Variants in TDP1 observed in about 807,000 individuals in gnomAD.
The protein encoded by TDP1 is tyrosyl-DNA phosphodiesterase 1.
Under a neutral mutation model 81.5 loss-of-function variants are expected in TDP1, and 64 were observed. The ratio of observed to expected loss-of-function variants is 0.79; its 90% CI spans 0.64 to 0.97. The LOEUF (loss-of-function observed/expected upper bound fraction) is 0.97. Ranked by LOEUF, TDP1 falls within the 50% of genes least tolerant of loss-of-function variation. The pLI, the probability that TDP1 is intolerant of heterozygous loss-of-function variation, is 0.00. For missense variants in TDP1, 723 were observed against 743.8 expected (o/e 0.97, Z 0.33); for synonymous variants, 256 against 264.3 (o/e 0.97, Z 0.30).
chr14:90,041,550 C>T (rs2140356901), intron 16 of TDP1, among the ~76,000 whole-genome samples: 1 of 152,314 alleles, frequency 6.6e-6, no homozygotes, highest in East Asian at 1.9e-4. Context: ...GTTTGTCAGA[C>T]CTTCCTGTGA....
At chr14:90,016,956 A>G (rs964550824) in intron 14 of TDP1, among the ~76,000 whole-genome samples, 3 of 152,164 alleles carry the variant, frequency 2.0e-5, no homozygotes, top group African/African-American at 7.2e-5. Context: ...ATCCAGCAGC[A>G]ACAACACAAA....
chr14:89,975,643 T>C, intron 6 of TDP1, 138 bp from the exon 7 acceptor site: 1 of 988,118 alleles, frequency 1.0e-6, no homozygotes, highest in Non-Finnish European at 1.6e-6. Flanking sequence ...TGTCTTGTTA[T>C]TCAAGGGCTT....
At chr14:89,962,801 G>A (rs1596496695) in intron 2 of TDP1, 1 of 414,734 alleles carries the variant, frequency 2.4e-6, no homozygotes, top group Non-Finnish European at 3.2e-6. Context: ...GAGCCCAGGA[G>A]GCAGATGTTG....
intron 14 of TDP1, among the ~76,000 whole-genome samples, chr14:90,013,253 G>A (rs1466649677): frequency 6.6e-6 from 1 of 152,198 alleles, no homozygotes; most frequent in East Asian, 1.9e-4. Context: ...TGAGATTTGG[G>A]AGGGGTAAGG....
Position 90,043,371 on chromosome 14 carries a change from T to C in TDP1, c.*228T>C. The C allele has an allele frequency of 1.7e-6, 1 of 600,980 alleles. No individual in the cohort carries two copies. Among genetic ancestry groups the C allele is most frequent in the South Asian group, 2.0e-5 (1 of 49,086 alleles). The allele number at this position is 600,980 out of a possible 1,614,324, so 37.2% of individuals were successfully genotyped here. ...CTTTTATATGTTTTGGAAAGAAAAT[T>C]AGTGAACTTCTCTATGTTAAAAATA... On this transcript the variant is annotated 3_prime_UTR_variant, in exon 17 of 17. Transcript: ENST00000335725.
At position 90,043,200 on chromosome 14, in the gene TDP1, CTCT is replaced by C; in HGVS notation, c.*62_*64del. 6.2e-7 allele frequency: 1 copy of C among 1,609,878 alleles called. No individual in the cohort carries two copies. Among genetic ancestry groups the C allele is most frequent in the Non-Finnish European group, 8.5e-7 (1 of 1,176,648 alleles). Reference sequence around the variant, plus strand: ...AGACATTGAGCCACAAACATGGAATCTCTTCTTTGTACTGGATGTCCACTTCCC... The same window carrying C: ...AGACATTGAGCCACAAACATGGAATCTCTTTGTACTGGATGTCCACTTCCC... On this transcript the variant is annotated 3_prime_UTR_variant, in exon 17 of 17. Transcript: ENST00000335725.
At chr14:89,964,513 T>C (rs1892705799) in intron 3 of TDP1, among the ~76,000 whole-genome samples, 1 of 152,240 alleles carries the variant, frequency 6.6e-6, no homozygotes, top group Non-Finnish European at 1.5e-5. Context: ...ATTACCCTTA[T>C]TTCAGATTTT....
chr14:89,964,344 C>T (rs574830246), intron 3 of TDP1, among the ~76,000 whole-genome samples: 27 of 152,368 alleles, frequency 1.8e-4, no homozygotes, highest in Admixed American at 5.2e-4. Flanking sequence ...AATCTGCTTT[C>T]TGGCCTCACC....
chr14:89,959,547 A>G (rs1465693267), intron 2 of TDP1, among the ~76,000 whole-genome samples: 3 of 152,238 alleles, frequency 2.0e-5, no homozygotes, highest in Non-Finnish European at 2.9e-5. Context: ...TTGTAACCCA[A>G]TAAATTGTAT....
At chr14:90,010,761 G>A (rs574008040) in intron 14 of TDP1, among the ~76,000 whole-genome samples, 2 of 152,316 alleles carry the variant, frequency 1.3e-5, no homozygotes, top group Admixed American at 6.5e-5. Context: ...ACTTTACTTT[G>A]TGTAAGATAA....
intron 16 of TDP1, among the ~76,000 whole-genome samples, chr14:90,039,865 A>AC (rs1184410166): frequency 2.0e-5 from 3 of 152,302 alleles, no homozygotes; most frequent in African/African-American, 7.2e-5. Context: ...TGATGCAAGT[A>AC]CGATAGTACA....
In TDP1 at chr14:89,989,743, G is replaced by A. The variant is rs1437656526; in HGVS notation, c.1344G>A (p.Arg448=). 1.2e-6 allele frequency: 2 copies of A among 1,611,464 alleles called. No individual in the cohort carries two copies. Among genetic ancestry groups the A allele is most frequent in the Non-Finnish European group, 1.7e-6 (2 of 1,177,752 alleles). Residue 448 remains arginine (R), a synonymous_variant, in exon 12 of 17, where the codon CGG becomes CGA. Coordinates refer to ENST00000335725, the MANE Select transcript of TDP1 (RefSeq NM_018319.4). ...YLIYPSVENV[R]TSLEGYPAGG... ...TCTATCCTTCTGTGGAAAATGTGCGGACCAGTTTAGAAGGATATCCTGGTA... is the reference window on the plus strand; with the variant it reads ...TCTATCCTTCTGTGGAAAATGTGCGAACCAGTTTAGAAGGATATCCTGGTA...
rs917622303 is a variant in TDP1 at position 89,956,575 on chromosome 14, CAG to C, written c.-230_-229del. 1.3e-5 allele frequency: 2 copies of C among 152,406 alleles called. No homozygotes were observed. The highest frequency in any genetic ancestry group is 4.8e-5 in the African/African-American group (2 of 41,560). 9.4% of individuals were successfully genotyped at this position (152,406 alleles called of 1,614,324 possible). On this transcript the variant is annotated splice_acceptor_variant, in intron 1 of 16. Transcript: ENST00000335725. LOFTEE classifies it low-confidence loss of function (5UTR_SPLICE). The stretch of plus-strand genomic sequence containing the variant: ...TCCTTTGTCTTCAACCCATTCTCCG[CAG>C]AGTTGGAGCACACAGCTGTATTAAA...
rs189125804 is a variant in TDP1, at chr14:90,029,877, G to A, written c.1645-3229G>A. Among the ~76,000 whole-genome samples the A allele has an allele frequency of 3.0e-3, 457 of 152,244 alleles. 4 individuals are homozygous for A. Among genetic ancestry groups the A allele is most frequent in the Non-Finnish European group, 4.5e-3 (304 of 68,010 alleles). ...GTTTCCTTCTCTGTAAAATAGGAGT[G>A]ATTACATCACAGAGAATTGTCCTGA... On this transcript the variant is annotated intron_variant, in intron 15 of 16. Transcript: ENST00000335725.
chr14:90,020,090 G>A (rs927424506), intron 15 of TDP1, among the ~76,000 whole-genome samples: 2 of 152,190 alleles, frequency 1.3e-5, no homozygotes, highest in African/African-American at 2.4e-5. Flanking sequence ...AGCCACTTGA[G>A]ATTTCTGTGT....
intron 8 of TDP1, among the ~76,000 whole-genome samples, chr14:89,982,710 G>A (rs550290740): frequency 2.0e-5 from 3 of 152,202 alleles, no homozygotes; most frequent in Non-Finnish European, 4.4e-5. Flanking sequence ...AGGTAGGAAC[G>A]GTTCAAAACT....
chr14:89,984,461 G>T (rs966386215), intron 8 of TDP1, 55 bp from the exon 9 acceptor site: 6 of 1,608,992 alleles, frequency 3.7e-6, no homozygotes, highest in Non-Finnish European at 5.1e-6. Context: ...TCGATACAGA[G>T]ATCATTATGA....
rs932423408 is a variant in TDP1, at chr14:89,988,904, G to T, written c.1132-1G>T. On this transcript the variant is annotated splice_acceptor_variant, in intron 10 of 16. Transcript: ENST00000335725. LOFTEE classifies it high-confidence loss of function. The stretch of plus-strand genomic sequence containing the variant: ...TAACATTCACTTTTATTCTTTCCCA[G>T]CTTCTGAAAGACCATGCCTCATCCA... 6.2e-7 allele frequency: 1 copy of T among 1,614,002 alleles called. No homozygotes were observed. Among genetic ancestry groups the T allele is most frequent in the African/African-American group, 1.3e-5 (1 of 75,042 alleles).
Position 89,984,496 on chromosome 14 carries a change from G to A in TDP1, c.885-20G>A. On this transcript the variant is annotated intron_variant, in intron 8 of 16. Coordinates refer to ENST00000335725, the MANE Select transcript of TDP1 (RefSeq NM_018319.4). The stretch of plus-strand genomic sequence containing the variant: ...ATCAGTTGTGTGCCTGACTGTTAAA[G>A]GTTATTTTTTTAATTCCAGAATATG... 5 of 1,613,894 alleles carry A rather than the reference G, an allele frequency of 3.1e-6. No homozygotes were observed. The highest frequency in any genetic ancestry group is 4.2e-6 in the Non-Finnish European group (5 of 1,179,992).
Sources: gnomAD v4.1 joint callset for allele counts (sites outside exome capture counted in the v4.1 genomes callset) on GRCh38, gnomAD v4.1.1 for gene constraint, MANE v1.5 for transcripts, NCBI Gene and HGNC (gene_info 2026-07-23, HGNC 2026-07-21) for gene names.